Variants in TTK observed in about 807,000 individuals in gnomAD.
The protein encoded by TTK is dual specificity protein kinase TTK.
Under a neutral mutation model 117.3 loss-of-function variants are expected in TTK, and 59 were observed. That is an observed-to-expected ratio of 0.50 (90% CI 0.41 to 0.62). The LOEUF is 0.62. Ranked by LOEUF, TTK falls within the 20% of genes least tolerant of loss-of-function variation. The pLI is 0.00. For missense variants in TTK, 921 were observed against 989.4 expected (o/e 0.93, Z 0.93); for synonymous variants, 302 against 325.0 (o/e 0.93, Z 0.76).
intron 10 of TTK, among the ~76,000 whole-genome samples, chr6:80,021,384 A>G (rs1203566797): frequency 1.3e-5 from 2 of 152,192 alleles, no homozygotes; most frequent in Non-Finnish European, 2.9e-5. Flanking sequence ...CTTGTTGGAA[A>G]CCAGGCGTAC....
chr6:80,013,407 G>C, intron 9 of TTK, 41 bp downstream of exon 9: 2 of 1,477,020 alleles, frequency 1.4e-6, no homozygotes, highest in Non-Finnish European at 1.9e-6. Flanking sequence ...AAGGGTTCCT[G>C]ATCTGGGAGG....
chr6:80,037,895 A>AATAATC (rs1554170050), intron 17 of TTK, 72 bp from the exon 18 acceptor site: 2 of 695,732 alleles, frequency 2.9e-6, no homozygotes, highest in African/African-American at 4.0e-5. Flanking sequence ...TAATAATAAT[A>AATAATC]ATCTCAAAAA....
intron 2 of TTK, among the ~76,000 whole-genome samples, chr6:80,007,272 GT>G (rs1358955796): frequency 5.3e-5 from 8 of 152,036 alleles, no homozygotes; most frequent in Non-Finnish European, 1.0e-4. Context: ...TGTCTCATTT[GT>G]TTATTTTTTG....
Position 80,035,402 on chromosome 6 carries a change from A to C in TTK, c.1909A>C (p.Thr637Pro). Reference sequence around the variant, plus strand: ...GAAAAATATGTTAGAGGCAGTTCACACAATCCATCAACATGGTATTTAACA... The same window carrying C: ...GAAAAATATGTTAGAGGCAGTTCACCCAATCCATCAACATGGTATTTAACA... ...YWKNMLEAVHTIHQHGIVHSD... is the reference protein window; with the variant it reads ...YWKNMLEAVHPIHQHGIVHSD... Residue 637 changes from threonine (T) to proline (P), a missense_variant, in exon 16 of 22, where the codon ACA (threonine) becomes CCA (proline). By Grantham distance (38) the Thr-to-Pro change is conservative. Transcript: ENST00000369798. 2 of 1,605,410 alleles carry C rather than the reference A, an allele frequency of 1.2e-6. No homozygotes were observed. The highest frequency in any genetic ancestry group is 1.7e-6 in the Non-Finnish European group (2 of 1,177,440).
At chr6:80,021,978 G>A (rs992090272) in intron 10 of TTK, among the ~76,000 whole-genome samples, 3 of 152,124 alleles carry the variant, frequency 2.0e-5, no homozygotes, top group African/African-American at 4.8e-5. Flanking sequence ...TTGGATACTC[G>A]GTCTATGAAA....
chr6:80,008,478 T>A lies in TTK; in HGVS notation c.455T>A (p.Phe152Tyr), dbSNP rs867154764. The part of the protein sequence containing the change: ...FAFVHISFAQ[F>Y]ELSQGNVKKS... ...TTTGTTCATATATCTTTTGCACAAT[T>A]TGAACTGTCACAAGGTAATCTGAAA... The change falls in exon 4 of 22, where the codon TTT (phenylalanine) becomes TAT (tyrosine). Residue 152 changes from phenylalanine (F) to tyrosine (Y), a missense_variant. By Grantham distance (22) the Phe-to-Tyr change is conservative. Transcript: ENST00000369798. 1 of 1,610,954 alleles carries A rather than the reference T, an allele frequency of 6.2e-7. No individual in the cohort carries two copies. Among genetic ancestry groups the A allele is most frequent in the Admixed American group, 1.7e-5 (1 of 59,658 alleles).
intron 21 of TTK, among the ~76,000 whole-genome samples, chr6:80,041,718 T>A (rs1768053338): frequency 1.3e-5 from 2 of 150,930 alleles, no homozygotes; most frequent in Non-Finnish European, 3.0e-5. Flanking sequence ...TATATTTATA[T>A]AATTTGTAAT....
chr6:80,016,450 C>G (rs1767310301), intron 10 of TTK, among the ~76,000 whole-genome samples: 1 of 152,102 alleles, frequency 6.6e-6, no homozygotes, highest in Non-Finnish European at 1.5e-5. Flanking sequence ...TTTTGCATTT[C>G]CTTAATGTCT....
At chr6:80,033,188 A>G (rs1350696524) in intron 14 of TTK, among the ~76,000 whole-genome samples, 1 of 152,180 alleles carries the variant, frequency 6.6e-6, no homozygotes, top group African/African-American at 2.4e-5. Flanking sequence ...CTATGAGTTT[A>G]ATTTTTAGAT....
In TTK at chr6:80,040,291, T is replaced by G; in HGVS notation, c.2392+11T>G. 2 of 1,564,410 alleles carry G rather than the reference T, an allele frequency of 1.3e-6. No homozygotes were observed. The highest frequency in any genetic ancestry group is 1.7e-6 in the Non-Finnish European group (2 of 1,159,310). ...TTCAAACTCATCCAGGTACTACTTCTTTAAAAATTTGTTTATTACTAGATT... is the reference window on the plus strand; with the variant it reads ...TTCAAACTCATCCAGGTACTACTTCGTTAAAAATTTGTTTATTACTAGATT... On this transcript the variant is annotated intron_variant, in intron 20 of 21. Coordinates refer to ENST00000369798, the MANE Select transcript of TTK (RefSeq NM_003318.5).
intron 4 of TTK, among the ~76,000 whole-genome samples, chr6:80,009,622 A>T (rs923485509): frequency 6.6e-6 from 1 of 152,036 alleles, no homozygotes; most frequent in Non-Finnish European, 1.5e-5. Flanking sequence ...TCTTAAATTG[A>T]GTTATCTGTA....
rs752406282 is a variant in TTK, at chr6:80,005,981, A to G, written c.138A>G (p.Thr46=). The G allele has an allele frequency of 3.1e-6, 5 of 1,601,268 alleles. No homozygotes were observed. In the African/African-American group the frequency reaches 6.8e-5, roughly 22 times the overall value. ...LSLNKISADT[T]DNSGTVNQIM... ...TGAATAAAATTTCTGCTGATACTAC[A>G]GGTGAGTTTTTCTTTTCTTTTAAGT... The change falls in exon 2 of 22, where the codon ACA becomes ACG. Residue 46 remains threonine (T), a splice_region_variant and synonymous_variant. Coordinates refer to ENST00000369798, the MANE Select transcript of TTK (RefSeq NM_003318.5).
At position 80,034,854 on chromosome 6, in the gene TTK, C is replaced by G. The variant is rs963473271; in HGVS notation, c.1615-131C>G. 1.8e-5 allele frequency: 14 copies of G among 758,880 alleles called. No individual in the cohort carries two copies. In the African/African-American group the frequency reaches 1.8e-4, roughly 10 times the overall value. The allele number at this position is 758,880 out of a possible 1,614,324, so 47.0% of individuals were successfully genotyped here. ...CTTCCTTCTACACTCAAAATAGGCC[C>G]AGAAACTTTTAATGTTCATGTCAGT... On this transcript the variant is annotated intron_variant, in intron 14 of 21. Coordinates refer to ENST00000369798, the MANE Select transcript of TTK (RefSeq NM_003318.5).
At position 80,011,748 on chromosome 6, in the gene TTK, G is replaced by A; in HGVS notation, c.748G>A (p.Asp250Asn). ...FLYGENMPPQ[D>N]AEIGYRNSLR... ...GTTTAGAGAGAACATGCCACCACAA[G>A]ATGCAGAAATAGGTTACCGGAATTC... is the stretch of plus-strand genomic sequence containing the variant. Residue 250 changes from aspartate to asparagine, a missense_variant, in exon 7 of 22, where the codon GAT becomes AAT. Transcript: ENST00000369798. 1 of 1,612,720 alleles carries A rather than the reference G, an allele frequency of 6.2e-7. No homozygotes were observed. The highest frequency in any genetic ancestry group is 8.5e-7 in the Non-Finnish European group (1 of 1,179,176).
At chr6:80,010,744 A>G in intron 4 of TTK, 70 bp from the exon 5 acceptor site, 1 of 1,447,416 alleles carries the variant, frequency 6.9e-7, no homozygotes, top group Middle Eastern at 1.9e-4. Flanking sequence ...CCTGATGAAT[A>G]CGTATCTGGG....
At chr6:80,008,599 A>G in intron 4 of TTK, 107 bp downstream of exon 4, 1 of 968,250 alleles carries the variant, frequency 1.0e-6, no homozygotes, top group Non-Finnish European at 1.5e-6. Context: ...GGCAAAAGAC[A>G]TTAAAGTTGA....
intron 14 of TTK, among the ~76,000 whole-genome samples, chr6:80,031,785 C>A (rs1193028589): frequency 2.0e-5 from 3 of 152,008 alleles, no homozygotes; most frequent in Admixed American, 6.6e-5. Context: ...TTTCAATGTC[C>A]TGTGCTTCTA....
At chr6:80,028,037 T>A in intron 13 of TTK, 26 bp downstream of exon 13, 1 of 1,573,424 alleles carries the variant, frequency 6.4e-7, no homozygotes, top group Non-Finnish European at 8.6e-7. Flanking sequence ...TATATGATGG[T>A]ATATGTTAAG....
In TTK at chr6:80,042,223, C is replaced by A; in HGVS notation, c.*21C>A. ...AATGATTTGCAGTTATTCGTAATGT[C>A]AGATACCACCTATAAAATATATTGG... On this transcript the variant is annotated 3_prime_UTR_variant, in exon 22 of 22. Transcript: ENST00000369798. 6 of 1,535,712 alleles carry A rather than the reference C, an allele frequency of 3.9e-6. No homozygotes were observed. The highest frequency in any genetic ancestry group is 3.5e-5 in the South Asian group (3 of 85,048).
Sources: allele counts gnomAD v4.1 joint callset (sites outside exome capture counted in the v4.1 genomes callset), GRCh38; gene constraint gnomAD v4.1.1; transcripts MANE v1.5; gene names NCBI Gene and HGNC (gene_info 2026-07-23, HGNC 2026-07-21).